The following TENM3 variants were observed in gnomAD, a reference collection of about 807,000 sequenced individuals.
The protein encoded by TENM3 is teneurin-3.
In TENM3, 63 loss-of-function variants were observed where a neutral mutation model predicts 255.1. That is an observed-to-expected ratio of 0.25 (90% CI 0.20 to 0.30). The LOEUF is 0.30. Among genes scored for constraint, TENM3 ranks in the 10% least tolerant of loss-of-function variants. TENM3 has a pLI of 1.00. For missense variants in TENM3, 2,929 were observed against 3,461.1 expected (o/e 0.85, Z 3.86); for synonymous variants, 1,306 against 1,322.3 (o/e 0.99, Z 0.27).
chr4:182,417,704 G>T (rs1271400646), intron 3 of TENM3, among the ~76,000 whole-genome samples: 8 of 152,148 alleles, frequency 5.3e-5, no homozygotes, highest in African/African-American at 1.9e-4. Context: ...GACAACAAAA[G>T]ATACTTTTTA....
the TENM3 span, among the ~76,000 whole-genome samples, chr4:182,137,343 C>CA: frequency 9.7e-5 from 14 of 144,678 alleles, no homozygotes; most frequent in Non-Finnish European, 1.8e-4. Context: ...TCCCCCCCCC[C>CA]AAAAAGGAAT....
chr4:181,972,543 C>T, the TENM3 span, among the ~76,000 whole-genome samples: 4 of 151,874 alleles, frequency 2.6e-5, no homozygotes, highest in South Asian at 4.1e-4. Flanking sequence ...CCAGAAAGAT[C>T]CTAAAGAAGA....
the TENM3 span, among the ~76,000 whole-genome samples, chr4:181,980,565 G>A: frequency 6.6e-6 from 1 of 152,086 alleles, no homozygotes; most frequent in Non-Finnish European, 1.5e-5. Flanking sequence ...GGGTGATATT[G>A]GACCAATCAA....
In TENM3 at chr4:182,692,682, C is replaced by T. The variant is rs967724057; in HGVS notation, c.2221+4331C>T. On this transcript the variant is annotated intron_variant, in intron 12 of 27. Coordinates refer to ENST00000511685, the MANE Select transcript of TENM3 (RefSeq NM_001080477.4). ...GTTTGTTAGATATAATGAAGAAGCT[C>T]GAGTCAGAAAGCATATTTAAATCCT... Among the ~76,000 whole-genome samples, 7 of 152,074 alleles carry T rather than the reference C, an allele frequency of 4.6e-5. No homozygotes were observed. The East Asian group carries it at 5.8e-4, about 13-fold the overall frequency.
chr4:181,671,395 G>C, the TENM3 span, among the ~76,000 whole-genome samples: 1 of 152,086 alleles, frequency 6.6e-6, no homozygotes, highest in Admixed American at 6.6e-5. Flanking sequence ...AGATCATCTG[G>C]ATCTCTCTGC....
chr4:181,555,838 C>T, the TENM3 span, among the ~76,000 whole-genome samples: 15 of 152,302 alleles, frequency 9.8e-5, no homozygotes, highest in African/African-American at 3.6e-4. Flanking sequence ...CTTCTGCTCA[C>T]ATACTATGGG....
chr4:181,766,512 C>G, the TENM3 span, among the ~76,000 whole-genome samples: 2 of 152,042 alleles, frequency 1.3e-5, no homozygotes. Context: ...GCACCAGGTA[C>G]AGAAAAGCAG....
the TENM3 span, among the ~76,000 whole-genome samples, chr4:181,910,879 C>T: frequency 0.013 from 1,903 of 152,202 alleles, 20 homozygotes; most frequent in Middle Eastern, 0.031. Context: ...CATGATATGG[C>T]TATCTCATCA....
At chr4:181,466,386 G>A in the TENM3 span, among the ~76,000 whole-genome samples, 3 of 152,080 alleles carry the variant, frequency 2.0e-5, no homozygotes, top group African/African-American at 7.2e-5. Context: ...AAAGTGCTGG[G>A]ATTACAGGCA....
the TENM3 span, among the ~76,000 whole-genome samples, chr4:181,537,024 G>A: frequency 2.0e-5 from 3 of 152,026 alleles, no homozygotes; most frequent in South Asian, 2.1e-4. Flanking sequence ...TCCCTTTAAC[G>A]AGTAAAGAGA....
chr4:181,605,574 G>GAAA, the TENM3 span, among the ~76,000 whole-genome samples: 11 of 21,978 alleles, frequency 5.0e-4, 1 homozygote, highest in African/African-American at 7.7e-4. Flanking sequence ...AAGAAAGAGA[G>GAAA]AGAAAGAAAG....
chr4:182,698,628 C>T (rs747466358), intron 12 of TENM3, among the ~76,000 whole-genome samples: 3 of 152,210 alleles, frequency 2.0e-5, no homozygotes, highest in African/African-American at 4.8e-5. Context: ...CCCAAGGCCT[C>T]GGTTTCTGTC....
At chr4:182,271,542 T>C (rs1759626119) in intron 1 of TENM3, among the ~76,000 whole-genome samples, 1 of 152,188 alleles carries the variant, frequency 6.6e-6, no homozygotes, top group African/African-American at 2.4e-5. Flanking sequence ...TTATTTTGCC[T>C]AGTTTTCACC....
At chr4:181,618,254 G>A in the TENM3 span, among the ~76,000 whole-genome samples, 1 of 152,148 alleles carries the variant, frequency 6.6e-6, no homozygotes, top group Non-Finnish European at 1.5e-5. Context: ...ACCAGTTTCA[G>A]TCCTCTCATC....
the TENM3 span, among the ~76,000 whole-genome samples, chr4:181,691,216 C>A: frequency 3.7e-3 from 547 of 149,524 alleles, 3 homozygotes; most frequent in African/African-American, 0.013. Context: ...CTCTGCAATT[C>A]AAAGTGACAA....
intron 5 of TENM3, among the ~76,000 whole-genome samples, chr4:182,635,385 A>G (rs1266096641): frequency 3.3e-5 from 5 of 152,072 alleles, no homozygotes; most frequent in Admixed American, 3.3e-4. Context: ...CATTTCTCTC[A>G]CCTCCAAAAA....
chr4:182,674,603 T>A (rs1161938378), intron 7 of TENM3, among the ~76,000 whole-genome samples: 1 of 152,208 alleles, frequency 6.6e-6, no homozygotes, highest in Non-Finnish European at 1.5e-5. Context: ...TGAGACAGGG[T>A]CTCACTCCGT....
intron 1 of TENM3, among the ~76,000 whole-genome samples, chr4:182,281,635 A>G (rs1237267135): frequency 6.6e-6 from 1 of 152,188 alleles, no homozygotes; most frequent in Non-Finnish European, 1.5e-5. Flanking sequence ...GACTACAGGC[A>G]CACACTACCA....
chr4:181,961,693 T>C, the TENM3 span, among the ~76,000 whole-genome samples: 1 of 152,174 alleles, frequency 6.6e-6, no homozygotes, highest in East Asian at 1.9e-4. Flanking sequence ...TAAAAAAATA[T>C]AGTTTTAAAT....
Sources: gnomAD v4.1 joint callset for allele counts (sites outside exome capture counted in the v4.1 genomes callset) on GRCh38, gnomAD v4.1.1 for gene constraint, MANE v1.5 for transcripts, NCBI Gene and HGNC (gene_info 2026-07-23, HGNC 2026-07-21) for gene names.